NSUN6: variants seen among roughly 807,000 people sequenced by gnomAD.
NSUN6 encodes tRNA (cytosine(72)-C(5))-methyltransferase NSUN6.
In NSUN6, 64 loss-of-function variants were observed where a neutral mutation model predicts 58.0. The observed-to-expected ratio is 1.10, with a 90% confidence interval of 0.90 to 1.36. The LOEUF is 1.36. Ranked by LOEUF, NSUN6 falls within the 40% of genes most tolerant of loss-of-function variation. The pLI is 0.00. For synonymous variants in NSUN6, 231 were observed against 193.9 expected (o/e 1.19, Z -1.59); for missense variants, 701 against 550.1 (o/e 1.27, Z -2.74).
chr10:18,635,080 G>A (rs964642991), intron 3 of NSUN6, among the ~76,000 whole-genome samples: 1 of 152,132 alleles, frequency 6.6e-6, no homozygotes, highest in African/African-American at 2.4e-5. Context: ...TGGGGATTTT[G>A]GTATGTGCTA....
intron 6 of NSUN6, among the ~76,000 whole-genome samples, chr10:18,600,941 A>AAAAAT (rs1487679670): frequency 0.13 from 5,682 of 43,244 alleles, 442 homozygotes; most frequent in Non-Finnish European, 0.18. Context: ...AAAAAAAAAA[A>AAAAAT]ATATATATAT....
At chr10:18,570,436 C>T in intron 8 of NSUN6, among the ~76,000 whole-genome samples, 1 of 149,258 alleles carries the variant, frequency 6.7e-6, no homozygotes, top group South Asian at 2.2e-4. Flanking sequence ...ATTCTCCATT[C>T]CATTCCATTC....
intron 6 of NSUN6, among the ~76,000 whole-genome samples, chr10:18,597,759 T>C (rs370548157): frequency 8.7e-4 from 132 of 151,872 alleles, no homozygotes; most frequent in African/African-American, 3.0e-3. Flanking sequence ...AGAGCGAAAC[T>C]CCATCTAAAA....
chr10:18,556,781 T>A (rs118102228), intron 8 of NSUN6, among the ~76,000 whole-genome samples: 7,362 of 142,212 alleles, frequency 0.052, 278 homozygotes, highest in Non-Finnish European at 0.081. Context: ...GAATGGAAGG[T>A]AGAATGGAAT....
intron 7 of NSUN6, among the ~76,000 whole-genome samples, chr10:18,593,102 A>G (rs1212825476): frequency 1.3e-5 from 2 of 152,250 alleles, no homozygotes; most frequent in East Asian, 1.9e-4. Flanking sequence ...AACATATGAA[A>G]AAAAGCTCGT....
upstream of NSUN6, among the ~76,000 whole-genome samples, chr10:18,656,122 A>G (rs1246581053): frequency 1.3e-5 from 2 of 152,192 alleles, no homozygotes; most frequent in Non-Finnish European, 2.9e-5. Flanking sequence ...TGGTCTCTCA[A>G]TAGATATTTA....
chr10:18,635,028 C>G (rs139512059), intron 3 of NSUN6, among the ~76,000 whole-genome samples: 2 of 152,132 alleles, frequency 1.3e-5, no homozygotes, highest in African/African-American at 4.8e-5. Context: ...GTACAAGGTA[C>G]AAACATGTTT....
At chr10:18,548,417 G>A (rs182273985) in intron 9 of NSUN6, among the ~76,000 whole-genome samples, 180 bp from the exon 10 acceptor site, 128 of 152,272 alleles carry the variant, frequency 8.4e-4, no homozygotes, top group African/African-American at 2.3e-3. Flanking sequence ...CCTAGACTAG[G>A]TGCATTTCAT....
At chr10:18,564,393 AT>A (rs2130904176) in intron 8 of NSUN6, among the ~76,000 whole-genome samples, 1 of 146,470 alleles carries the variant, frequency 6.8e-6, no homozygotes. Flanking sequence ...TCTCCCGTCC[AT>A]TTTTCACTCC....
intron 8 of NSUN6, among the ~76,000 whole-genome samples, chr10:18,564,170 TCCATTCCATA>T (rs1564726000): frequency 6.6e-6 from 1 of 151,458 alleles, no homozygotes; most frequent in Non-Finnish European, 1.5e-5. Flanking sequence ...CATTCCATTT[TCCATTCCATA>T]CCATTCCATT....
chr10:18,634,196 T>C (rs2059134637), intron 3 of NSUN6, among the ~76,000 whole-genome samples: 1 of 152,162 alleles, frequency 6.6e-6, no homozygotes, highest in African/African-American at 2.4e-5. Context: ...AGTACCTCTG[T>C]ATTTTCAGAG....
At chr10:18,557,561 G>T (rs759396792) in intron 8 of NSUN6, among the ~76,000 whole-genome samples, 1 of 151,140 alleles carries the variant, frequency 6.6e-6, no homozygotes, top group African/African-American at 2.4e-5. Flanking sequence ...ATGGAGAATG[G>T]AATGGACAGT....
intron 6 of NSUN6, among the ~76,000 whole-genome samples, chr10:18,606,279 T>C (rs1418716732): frequency 6.6e-6 from 1 of 152,094 alleles, no homozygotes; most frequent in Non-Finnish European, 1.5e-5. Context: ...TTCATCTCTG[T>C]GGTATTCTTC....
intron 1 of NSUN6, 84 bp downstream of exon 1, chr10:18,651,045 C>G: frequency 2.6e-6 from 4 of 1,526,462 alleles, no homozygotes; most frequent in Non-Finnish European, 3.5e-6. Context: ...TCAAGATTTC[C>G]CTTTATACTT....
intron 7 of NSUN6, among the ~76,000 whole-genome samples, chr10:18,587,227 A>C (rs1467241610): frequency 6.6e-6 from 1 of 152,234 alleles, no homozygotes; most frequent in Non-Finnish European, 1.5e-5. Flanking sequence ...CTCTGGAACA[A>C]CATGAGCTAA....
intron 3 of NSUN6, among the ~76,000 whole-genome samples, chr10:18,619,817 A>G (rs1340213947): frequency 3.9e-5 from 6 of 152,220 alleles, no homozygotes; most frequent in Non-Finnish European, 8.8e-5. Context: ...TTGATAAAAG[A>G]ACTTATTTCA....
intron 2 of NSUN6, among the ~76,000 whole-genome samples, chr10:18,646,614 G>A (rs916620069): frequency 5.9e-5 from 9 of 152,148 alleles, no homozygotes; most frequent in Non-Finnish European, 1.0e-4. Flanking sequence ...GGAGGCCAAG[G>A]TGGGCAGATC....
Position 18,560,032 on chromosome 10 carries a change from T to C in NSUN6, c.923-8061A>G, listed in dbSNP as rs183121373. On this transcript the variant is annotated intron_variant, in intron 8 of 10. Transcript: ENST00000377304. ...AATGGAGAATGGAATGGAATGGAGA[T>C]TGAGCTGGAATGGAGAATGGAATGA... Among the ~76,000 whole-genome samples the C allele has an allele frequency of 4.4e-4, 51 of 116,570 alleles. 1 individual carries two copies. The highest frequency in any genetic ancestry group is 1.8e-3 in the East Asian group (7 of 3,878). The allele number at this position is 116,570 out of a possible 152,430, so 76.5% of individuals were successfully genotyped here.
At chr10:18,588,967 C>T (rs1398826353) in intron 7 of NSUN6, among the ~76,000 whole-genome samples, 1 of 152,100 alleles carries the variant, frequency 6.6e-6, no homozygotes, top group Non-Finnish European at 1.5e-5. Context: ...ATAACAAACT[C>T]CTCTGAGCTA....
Sources: gnomAD v4.1 joint callset for allele counts (sites outside exome capture counted in the v4.1 genomes callset) on GRCh38, gnomAD v4.1.1 for gene constraint, MANE v1.5 for transcripts, NCBI Gene and HGNC (gene_info 2026-07-23, HGNC 2026-07-21) for gene names.